The following FER variants were observed in gnomAD, a reference collection of about 807,000 sequenced individuals.
FER encodes FER tyrosine kinase, also known as tyrosine-protein kinase Fer.
FER carries 63 observed loss-of-function variants against 111.0 expected under a neutral mutation model. That is an observed-to-expected ratio of 0.57 (90% CI 0.46 to 0.70). The LOEUF (loss-of-function observed/expected upper bound fraction) is 0.70. Ranked by LOEUF, FER falls within the 30% of genes least tolerant of loss-of-function variation. FER has a pLI of 0.00. For missense variants in FER, 914 were observed against 954.0 expected (o/e 0.96, Z 0.55); for synonymous variants, 327 against 313.9 (o/e 1.04, Z -0.44).
intron 10 of FER, among the ~76,000 whole-genome samples, chr5:108,901,278 G>A (rs763957540): frequency 3.3e-5 from 5 of 151,946 alleles, no homozygotes; most frequent in African/African-American, 4.8e-5. Context: ...GAGGAAAGCT[G>A]TGGTTATGCT....
At chr5:109,179,007 G>C (rs1285370524) in intron 17 of FER, among the ~76,000 whole-genome samples, 3 of 151,860 alleles carry the variant, frequency 2.0e-5, no homozygotes, top group Non-Finnish European at 4.4e-5. Context: ...TTAGATATTT[G>C]CCTTATTGGA....
intron 13 of FER, among the ~76,000 whole-genome samples, chr5:109,032,944 G>A (rs918099504): frequency 6.6e-6 from 1 of 152,140 alleles, no homozygotes; most frequent in Admixed American, 6.5e-5. Context: ...ATCTGTTGTA[G>A]CTTCAAGATC....
chr5:108,981,024 C>T (rs139966864), intron 13 of FER, among the ~76,000 whole-genome samples: 1,785 of 152,136 alleles, frequency 0.012, 17 homozygotes, highest in Non-Finnish European at 0.02. Context: ...TTGATTGACC[C>T]ACGGTTGCCA....
chr5:108,936,660 G>T (rs1381133339), intron 10 of FER, among the ~76,000 whole-genome samples: 1 of 151,908 alleles, frequency 6.6e-6, no homozygotes. Context: ...AGCCCTGGAG[G>T]TGTTATTTAT....
At chr5:108,934,360 CTGATTGTTTA>C (rs1297873066) in intron 10 of FER, among the ~76,000 whole-genome samples, 1 of 152,134 alleles carries the variant, frequency 6.6e-6, no homozygotes, top group Non-Finnish European at 1.5e-5. Context: ...CCTTCTACCA[CTGATTGTTTA>C]AGACCATTTC....
In FER at chr5:109,013,541, C is replaced by T. The variant is rs1283208704; in HGVS notation, c.1657-23881C>T. The stretch of plus-strand genomic sequence containing the variant: ...TGTGAATAATGCCGCAATAAACATA[C>T]GTGTGCATGTGTCTTTATAGCAGCA... On this transcript the variant is annotated intron_variant, in intron 13 of 19. Transcript: ENST00000281092. Among the ~76,000 whole-genome samples, 57 of 149,676 alleles carry T rather than the reference C, an allele frequency of 3.8e-4. 1 individual carries two copies. The highest frequency in any genetic ancestry group is 1.1e-3 in the African/African-American group (46 of 40,726).
intron 9 of FER, among the ~76,000 whole-genome samples, chr5:108,889,115 C>T (rs1332852982): frequency 6.6e-6 from 1 of 151,764 alleles, no homozygotes; most frequent in Non-Finnish European, 1.5e-5. Context: ...AAAACCTGAA[C>T]TCAGTTAGTG....
In FER at chr5:109,112,147, T is replaced by C. The variant is rs1422459979; in HGVS notation, c.2048+11628T>C. ...TACCTCACAGTCACTGTTTGTTTGT[T>C]TTTTTTTAGGTTAAATTAAAATAAG... On this transcript the variant is annotated intron_variant, in intron 17 of 19. Transcript: ENST00000281092. Among the ~76,000 whole-genome samples, 3 of 152,094 alleles carry C rather than the reference T, an allele frequency of 2.0e-5. No individual in the cohort carries two copies. The East Asian group carries it at 5.8e-4, about 29-fold the overall frequency.
At chr5:109,134,957 G>T (rs1752736645) in intron 17 of FER, among the ~76,000 whole-genome samples, 1 of 152,146 alleles carries the variant, frequency 6.6e-6, no homozygotes, top group Non-Finnish European at 1.5e-5. Context: ...CTTCGTAAGG[G>T]CAGAAACCGT....
At chr5:109,002,785 G>T (rs9688204) in intron 13 of FER, among the ~76,000 whole-genome samples, 1 of 151,626 alleles carries the variant, frequency 6.6e-6, no homozygotes. Flanking sequence ...AAAAACAACC[G>T]CATCAAAAAG....
chr5:109,052,164 A>G, intron 16 of FER: 1 of 1,608,378 alleles, frequency 6.2e-7, no homozygotes. Context: ...TTTGCATCAC[A>G]TAGAACACAT....
chr5:109,170,120 T>C (rs1212446759), intron 17 of FER, among the ~76,000 whole-genome samples: 1 of 152,182 alleles, frequency 6.6e-6, no homozygotes, highest in Non-Finnish European at 1.5e-5. Context: ...ATTTAGGTCT[T>C]AGTGTGACTA....
At chr5:109,055,925 A>C (rs1773590166) in intron 16 of FER, among the ~76,000 whole-genome samples, 1 of 152,192 alleles carries the variant, frequency 6.6e-6, no homozygotes, top group Non-Finnish European at 1.5e-5. Context: ...AAAGGCCTAA[A>C]TAGACGTTTC....
At chr5:109,095,815 C>G (rs1023841668) in intron 16 of FER, among the ~76,000 whole-genome samples, 5 of 152,008 alleles carry the variant, frequency 3.3e-5, no homozygotes, top group Non-Finnish European at 2.9e-5. Context: ...TTAGTATTTG[C>G]CTTGATTACT....
intron 3 of FER, among the ~76,000 whole-genome samples, chr5:108,810,590 A>G (rs995551635): frequency 2.0e-5 from 3 of 152,182 alleles, no homozygotes; most frequent in African/African-American, 7.2e-5. Flanking sequence ...CTCCTAATCC[A>G]GGAGAGTGGG....
intron 17 of FER, among the ~76,000 whole-genome samples, chr5:109,164,253 C>T (rs202080268): frequency 2.1e-4 from 32 of 152,270 alleles, no homozygotes; most frequent in East Asian, 1.7e-3. Flanking sequence ...TTAGACCCCA[C>T]GCTGGCATAG....
At chr5:109,135,468 T>A (rs921429350) in intron 17 of FER, among the ~76,000 whole-genome samples, 1 of 152,216 alleles carries the variant, frequency 6.6e-6, no homozygotes, top group African/African-American at 2.4e-5. Flanking sequence ...ATTAGACATA[T>A]GTAACTGACA....
At chr5:108,814,459 G>A (rs190940624) in intron 3 of FER, among the ~76,000 whole-genome samples, 117 of 152,218 alleles carry the variant, frequency 7.7e-4, no homozygotes, top group African/African-American at 2.6e-3. Flanking sequence ...TACAATACGT[G>A]TTTGTATACA....
chr5:108,850,088 G>T (rs1762408038), intron 5 of FER, among the ~76,000 whole-genome samples: 1 of 151,830 alleles, frequency 6.6e-6, no homozygotes, highest in Non-Finnish European at 1.5e-5. Context: ...CTAGCCACTT[G>T]GGAGGCTGAG....
Sources: allele counts gnomAD v4.1 joint callset (sites outside exome capture counted in the v4.1 genomes callset), GRCh38; gene constraint gnomAD v4.1.1; transcripts MANE v1.5; gene names NCBI Gene and HGNC (gene_info 2026-07-23, HGNC 2026-07-21).